Variants in ZCWPW2 observed in about 807,000 individuals in gnomAD.
ZCWPW2 encodes the protein zinc finger CW-type and PWWP domain containing 2, also known as zinc finger CW-type PWWP domain protein 2.
A neutral mutation model predicts 46.6 loss-of-function variants in ZCWPW2; 45 were observed. The observed-to-expected ratio is 0.96, with a 90% CI of 0.76 to 1.24. The LOEUF (loss-of-function observed/expected upper bound fraction) is 1.24, where lower values mean the gene tolerates loss of function less well. ZCWPW2 is among the 50% of genes most tolerant of loss of function. The pLI is 0.00. For synonymous variants in ZCWPW2, 152 were observed against 137.1 expected (o/e 1.11, Z -0.76); for missense variants, 429 against 403.9 (o/e 1.06, Z -0.53).
intron 5 of ZCWPW2, among the ~76,000 whole-genome samples, chr3:28,479,958 C>A (rs1249349465): frequency 6.6e-6 from 1 of 152,044 alleles, no homozygotes; most frequent in Admixed American, 6.6e-5. Flanking sequence ...TCTTTATCCA[C>A]ATTTTCTTTA....
At chr3:28,385,931 CT>C (rs1292186546) in intron 1 of ZCWPW2, among the ~76,000 whole-genome samples, 389 of 140,820 alleles carry the variant, frequency 2.8e-3, no homozygotes, top group South Asian at 9.2e-3. Context: ...GGCTTTTAAG[CT>C]TTTTTTTTTT....
At chr3:28,483,363 A>G (rs564703665) in intron 5 of ZCWPW2, among the ~76,000 whole-genome samples, 2 of 152,216 alleles carry the variant, frequency 1.3e-5, no homozygotes, top group East Asian at 1.9e-4. Flanking sequence ...TCTTTTGCCA[A>G]TACCACACTG....
At chr3:28,516,467 G>C (rs113400684) in intron 8 of ZCWPW2, among the ~76,000 whole-genome samples, 1 of 152,046 alleles carries the variant, frequency 6.6e-6, no homozygotes, top group Non-Finnish European at 1.5e-5. Flanking sequence ...ACACAGTAGA[G>C]TGAATGTGGA....
chr3:28,380,979 ATATATATATATATATATTTG>A, intron 1 of ZCWPW2, among the ~76,000 whole-genome samples: 1 of 45,512 alleles, frequency 2.2e-5, no homozygotes, highest in Non-Finnish European at 3.6e-5. Context: ...TATTTGGTAT[ATATATATATATATATATTTG>A]GTATATATAT....
intron 2 of ZCWPW2, among the ~76,000 whole-genome samples, chr3:28,411,437 C>A (rs1696394370): frequency 6.6e-6 from 1 of 151,780 alleles, no homozygotes. Context: ...CCCAACATAA[C>A]AAACATTCGA....
chr3:28,475,276 T>G (rs1699198381), intron 4 of ZCWPW2, among the ~76,000 whole-genome samples: 1 of 152,164 alleles, frequency 6.6e-6, no homozygotes, highest in African/African-American at 2.4e-5. Flanking sequence ...AAACCAGTTT[T>G]CAAGTGGTCA....
At chr3:28,384,559 T>A (rs1450277337) in intron 1 of ZCWPW2, among the ~76,000 whole-genome samples, 1 of 152,040 alleles carries the variant, frequency 6.6e-6, no homozygotes, top group African/African-American at 2.4e-5. Flanking sequence ...TCAGTGTACC[T>A]TTAGTTACAC....
intron 3 of ZCWPW2, among the ~76,000 whole-genome samples, chr3:28,423,520 C>G (rs993389447): frequency 6.6e-6 from 1 of 151,798 alleles, no homozygotes. Context: ...GTGCCTGCTA[C>G]CACGCCCAGC....
intron 6 of ZCWPW2, among the ~76,000 whole-genome samples, chr3:28,510,222 T>C (rs1202205892): frequency 6.6e-6 from 1 of 152,196 alleles, no homozygotes; most frequent in Non-Finnish European, 1.5e-5. Flanking sequence ...TTATCATAAC[T>C]TTTGAAATCA....
intron 5 of ZCWPW2, among the ~76,000 whole-genome samples, chr3:28,486,670 T>C (rs1699610154): frequency 6.6e-6 from 1 of 151,972 alleles, no homozygotes; most frequent in Admixed American, 6.6e-5. Context: ...GAGCCCAGAG[T>C]TGGAGACCAG....
chr3:28,437,941 T>C (rs1325877728), intron 4 of ZCWPW2, among the ~76,000 whole-genome samples: 1 of 152,146 alleles, frequency 6.6e-6, no homozygotes, highest in Admixed American at 6.5e-5. Flanking sequence ...ATTTTTGAAC[T>C]CTGGAGTCTA....
chr3:28,357,251 T>G (rs1704772459), intron 1 of ZCWPW2, among the ~76,000 whole-genome samples: 1 of 152,118 alleles, frequency 6.6e-6, no homozygotes. Flanking sequence ...TTAAGATCTA[T>G]AGAAGGAAGT....
rs753103935 is a variant in ZCWPW2 at position 28,515,609 on chromosome 3, A to C, written c.772A>C (p.Lys258Gln). The C allele has an allele frequency of 6.2e-7, 1 of 1,604,988 alleles. No homozygotes were observed. The highest frequency in any genetic ancestry group is 8.5e-7 in the Non-Finnish European group (1 of 1,179,304). Residue 258 changes from lysine to glutamine, a missense_variant, in exon 8 of 10, where the codon AAG (lysine) becomes CAG (glutamine). Physicochemically the swap from Lys to Gln is moderately conservative, Grantham distance 53 (BLOSUM62 1). Transcript: ENST00000383768. ...TGTTTATTCTGATGATGCCTTATCA[A>C]AGGAGAACAGGGGTATGTGAAAGCC... ...ENVYSDDALS[K>Q]ENRVVCETEV...
intron 4 of ZCWPW2, among the ~76,000 whole-genome samples, chr3:28,469,408 A>G (rs1230779695): frequency 1.3e-5 from 2 of 152,164 alleles, no homozygotes; most frequent in Non-Finnish European, 2.9e-5. Context: ...GAACTCTCCA[A>G]TCAAAAGACA....
At chr3:28,402,351 A>T (rs915507359) in intron 2 of ZCWPW2, among the ~76,000 whole-genome samples, 1 of 152,284 alleles carries the variant, frequency 6.6e-6, no homozygotes, top group Non-Finnish European at 1.5e-5. Flanking sequence ...TCCTGGAAAG[A>T]TACACCCCTG....
chr3:28,359,896 T>A (rs1220806738), intron 1 of ZCWPW2, among the ~76,000 whole-genome samples: 1 of 152,152 alleles, frequency 6.6e-6, no homozygotes, highest in Non-Finnish European at 1.5e-5. Context: ...ATAATTTCAT[T>A]TGGTCACTTC....
At chr3:28,428,199 CAG>C (rs1422494276) in intron 3 of ZCWPW2, 1 of 152,346 alleles carries the variant, frequency 6.6e-6, no homozygotes. Context: ...TGATAATAAC[CAG>C]AGAGTCTTCT....
At chr3:28,353,480 T>G (rs966372126) in intron 1 of ZCWPW2, among the ~76,000 whole-genome samples, 3 of 152,160 alleles carry the variant, frequency 2.0e-5, no homozygotes, top group African/African-American at 7.2e-5. Context: ...AAGGAGAGCT[T>G]GTTCATGTAA....
intron 4 of ZCWPW2, among the ~76,000 whole-genome samples, chr3:28,471,681 G>A (rs903505154): frequency 3.3e-5 from 5 of 152,066 alleles, no homozygotes; most frequent in Admixed American, 6.6e-5. Context: ...TTTAAAATAC[G>A]GAACATGACA....
Sources: allele counts gnomAD v4.1 joint callset (sites outside exome capture counted in the v4.1 genomes callset), GRCh38; gene constraint gnomAD v4.1.1; transcripts MANE v1.5; gene names NCBI Gene and HGNC (gene_info 2026-07-23, HGNC 2026-07-21).